Variants in MAPK6 observed in about 807,000 individuals in gnomAD.
MAPK6 encodes mitogen-activated protein kinase 6.
Under a neutral mutation model 59.3 loss-of-function variants are expected in MAPK6, and 19 were observed. The observed-to-expected ratio is 0.32, with a 90% CI of 0.22 to 0.47. MAPK6 has a LOEUF of 0.47. Among genes scored for constraint, MAPK6 ranks in the 20% least tolerant of loss-of-function variants. The pLI is 1.00. For missense variants in MAPK6, 724 were observed against 847.9 expected (o/e 0.85, Z 1.81); for synonymous variants, 316 against 290.3 (o/e 1.09, Z -0.90).
intron 2 of MAPK6, among the ~76,000 whole-genome samples, chr15:51,992,099 A>G (rs1051921262): frequency 2.0e-5 from 3 of 151,072 alleles, no homozygotes; most frequent in African/African-American, 7.3e-5. Flanking sequence ...TGGGGCTATA[A>G]GCGCACACCA....
intron 3 of MAPK6, among the ~76,000 whole-genome samples, chr15:52,012,453 A>G (rs2030081834): frequency 6.6e-6 from 1 of 152,160 alleles, no homozygotes; most frequent in Admixed American, 6.5e-5. Flanking sequence ...GCATCTGCTC[A>G]CACTGCATTT....
intron 1 of MAPK6, among the ~76,000 whole-genome samples, chr15:52,022,436 A>AT (rs1241775098): frequency 2.0e-5 from 3 of 151,804 alleles, no homozygotes; most frequent in Non-Finnish European, 4.4e-5. Flanking sequence ...AGTTTTTCGT[A>AT]TTTTTTGTAG....
chr15:52,000,705 C>T (rs1439837686), intron 2 of MAPK6, among the ~76,000 whole-genome samples: 1 of 151,676 alleles, frequency 6.6e-6, no homozygotes, highest in Admixed American at 6.6e-5. Context: ...ACTGGGGAGG[C>T]TGAGGAAGGG....
rs1027465071 is a variant in MAPK6 at position 52,050,151 on chromosome 15, G to C, written c.700+14G>C. ...CCCTTTTTGCAGGTTAGTATTTTGT[G>C]GGGGGAAAAATTTTCCCAAAGAGAA... On this transcript the variant is annotated intron_variant, in intron 3 of 5. Coordinates refer to ENST00000261845, the MANE Select transcript of MAPK6 (RefSeq NM_002748.4). 6.3e-7 allele frequency: 1 copy of C among 1,586,260 alleles called. No individual in the cohort carries two copies. Among genetic ancestry groups the C allele is most frequent in the Non-Finnish European group, 8.5e-7 (1 of 1,173,738 alleles).
intron 1 of MAPK6, among the ~76,000 whole-genome samples, chr15:52,040,657 A>G (rs576656143): frequency 7.5e-4 from 114 of 152,254 alleles, no homozygotes; most frequent in African/African-American, 2.6e-3. Flanking sequence ...TACTTTATAC[A>G]CTTAGGCTTG....
chr15:52,021,982 A>G (rs955526244), intron 1 of MAPK6, among the ~76,000 whole-genome samples: 3 of 152,102 alleles, frequency 2.0e-5, no homozygotes, highest in African/African-American at 2.4e-5. Context: ...ACGTTTAGCA[A>G]GGTGGCTTAA....
intron 1 of MAPK6, among the ~76,000 whole-genome samples, chr15:51,981,746 A>G (rs559353068): frequency 1.1e-4 from 16 of 152,152 alleles, no homozygotes; most frequent in Non-Finnish European, 2.4e-4. Context: ...ACACCAGAGC[A>G]GGAACAACTA....
chr15:51,979,610 A>G (rs1037669500), intron 1 of MAPK6, among the ~76,000 whole-genome samples: 1 of 151,472 alleles, frequency 6.6e-6, no homozygotes, highest in Non-Finnish European at 1.5e-5. Flanking sequence ...TTGGGAAATA[A>G]GGCGAAACCC....
chr15:51,994,220 A>G (rs2057218178), intron 2 of MAPK6, among the ~76,000 whole-genome samples: 1 of 151,942 alleles, frequency 6.6e-6, no homozygotes, highest in Admixed American at 6.6e-5. Flanking sequence ...TCACCCTCCT[A>G]AAGTGCTGGG....
intron 2 of MAPK6, among the ~76,000 whole-genome samples, chr15:51,999,593 CT>C (rs1177035376): frequency 6.6e-6 from 1 of 152,006 alleles, no homozygotes; most frequent in East Asian, 1.9e-4. Flanking sequence ...TTTAACTTTC[CT>C]TTTTTTAAGG....
chr15:52,049,923 T>C, intron 2 of MAPK6, 70 bp from the exon 3 acceptor site: 1 of 1,398,754 alleles, frequency 7.1e-7, no homozygotes, highest in Non-Finnish European at 1.0e-6. Flanking sequence ...AATTAAGGAT[T>C]CTTTAATCAA....
chr15:52,029,125 T>C (rs1411043353), intron 1 of MAPK6, among the ~76,000 whole-genome samples: 2 of 152,156 alleles, frequency 1.3e-5, no homozygotes, highest in African/African-American at 4.8e-5. Context: ...GCAACCTCCA[T>C]CTACTGGGTT....
chr15:52,036,185 G>A (rs1409901475), intron 1 of MAPK6, among the ~76,000 whole-genome samples: 1 of 152,154 alleles, frequency 6.6e-6, no homozygotes, highest in Non-Finnish European at 1.5e-5. Context: ...AAGAAATCCT[G>A]TAGCTTAGCC....
chr15:52,038,627 T>G (rs1466351724), intron 1 of MAPK6, among the ~76,000 whole-genome samples: 1 of 152,188 alleles, frequency 6.6e-6, no homozygotes, highest in Non-Finnish European at 1.5e-5. Context: ...GTTAGAATCC[T>G]CAGGTGTCCA....
At chr15:51,981,469 C>T (rs2433219) in intron 1 of MAPK6, among the ~76,000 whole-genome samples, 10,411 of 122,626 alleles carry the variant, frequency 0.085, 870 homozygotes, top group African/African-American at 0.21. Context: ...GAGACTCCGT[C>T]TCAAAAAAAA....
At chr15:52,013,068 G>T (rs1301504174) in intron 3 of MAPK6, among the ~76,000 whole-genome samples, 1 of 69,778 alleles carries the variant, frequency 1.4e-5, no homozygotes, top group African/African-American at 5.6e-5. Flanking sequence ...TATTACACAA[G>T]ACTAAAGAGG....
intron 1 of MAPK6, among the ~76,000 whole-genome samples, chr15:52,032,186 A>ATTTT (rs566086048): frequency 3.6e-4 from 33 of 92,478 alleles, no homozygotes; most frequent in East Asian, 3.0e-3. Flanking sequence ...ACAATTTTTA[A>ATTTT]TTTTTTTTTT....
chr15:52,062,997 T>C (rs546301388), intron 5 of MAPK6, among the ~76,000 whole-genome samples: 26 of 152,348 alleles, frequency 1.7e-4, no homozygotes, highest in Non-Finnish European at 3.2e-4. Flanking sequence ...TGTTGATGTA[T>C]TGGTATGGTA....
chr15:52,027,598 G>C (rs988261510), intron 1 of MAPK6: 1 of 143,042 alleles, frequency 7.0e-6, no homozygotes, highest in Admixed American at 7.4e-5. Flanking sequence ...GTCTTCTCTT[G>C]ACTTTTTTTT....
Sources: allele counts gnomAD v4.1 joint callset (sites outside exome capture counted in the v4.1 genomes callset), GRCh38; gene constraint gnomAD v4.1.1; transcripts MANE v1.5; gene names NCBI Gene and HGNC (gene_info 2026-07-23, HGNC 2026-07-21).